The following TTLL5 variants were observed in gnomAD, a reference collection of about 807,000 sequenced individuals.
The protein encoded by TTLL5 is tubulin tyrosine ligase like 5, also known as tubulin polyglutamylase TTLL5.
In TTLL5, 132 loss-of-function variants were observed where a neutral mutation model predicts 168.4. The observed-to-expected ratio is 0.78, with a 90% confidence interval of 0.68 to 0.91. The LOEUF (loss-of-function observed/expected upper bound fraction) is 0.91. TTLL5 is among the 40% of genes least tolerant of loss of function. The pLI is 0.00. For missense variants in TTLL5, 1,545 were observed against 1,581.5 expected (o/e 0.98, Z 0.39); for synonymous variants, 546 against 558.6 (o/e 0.98, Z 0.32).
chr14:75,877,674 A>G (rs1313778311), intron 29 of TTLL5, among the ~76,000 whole-genome samples: 3 of 152,256 alleles, frequency 2.0e-5, no homozygotes, highest in African/African-American at 7.2e-5. Context: ...TGTGTTGTTA[A>G]TATTGTATAT....
At chr14:75,851,904 C>A (rs768729610) in intron 28 of TTLL5, among the ~76,000 whole-genome samples, 6 of 152,176 alleles carry the variant, frequency 3.9e-5, no homozygotes, top group Non-Finnish European at 8.8e-5. Context: ...TTATTGGTTA[C>A]CCCGTGCCCC....
chr14:75,952,011 T>C (rs962641837), intron 31 of TTLL5, among the ~76,000 whole-genome samples: 1 of 152,060 alleles, frequency 6.6e-6, no homozygotes, highest in Non-Finnish European at 1.5e-5. Context: ...ATCCATGAAA[T>C]TGAGAAAATA....
At chr14:75,803,672 G>T (rs1037029081) in intron 27 of TTLL5, among the ~76,000 whole-genome samples, 11 of 152,180 alleles carry the variant, frequency 7.2e-5, no homozygotes, top group South Asian at 2.1e-4. Flanking sequence ...TGAAAGCAGG[G>T]TTTTCTAGAA....
chr14:75,690,060 G>A (rs768318718), intron 5 of TTLL5, 132 bp from the exon 6 acceptor site: 16 of 890,796 alleles, frequency 1.8e-5, no homozygotes, highest in Admixed American at 3.5e-5. Context: ...GATTAACAGC[G>A]ATATGTTTAG....
At position 75,793,020 on chromosome 14, in the gene TTLL5, G is replaced by A; in HGVS notation, c.3091G>A (p.Ala1031Thr). Residue 1031 changes from alanine (A) to threonine (T), a missense_variant, in exon 27 of 32, where the codon GCT (alanine) becomes ACT (threonine). Ala to Thr is a moderately conservative substitution (Grantham distance 58). Coordinates refer to ENST00000298832, the MANE Select transcript of TTLL5 (RefSeq NM_015072.5). ...ACGGTACAACCAAAGTATGGTTACA[G>A]CTGAACTTCAGCGGCTAGCTGAGAA... ...SKRYNQSMVT[A>T]ELQRLAEKQA... The A allele has an allele frequency of 6.2e-7, 1 of 1,613,896 alleles. No homozygotes were observed. The highest frequency in any genetic ancestry group is 8.5e-7 in the Non-Finnish European group (1 of 1,179,832).
rs145090280 is a variant in TTLL5 at position 75,703,154 on chromosome 14, T to C, written c.586-3864T>C. Among the ~76,000 whole-genome samples, 612 of 152,318 alleles carry C rather than the reference T, an allele frequency of 4.0e-3. 3 individuals are homozygous for C. The highest frequency in any genetic ancestry group is 9.6e-3 in the East Asian group (50 of 5,186). On this transcript the variant is annotated intron_variant, in intron 7 of 31. Coordinates refer to ENST00000298832, the MANE Select transcript of TTLL5 (RefSeq NM_015072.5). Reference sequence around the variant, plus strand: ...GCAGGAGGGTGAGGAGAGGGAATGCTGAGGCAGAGGGTCTGGGAGCAGAAC... The same window carrying C: ...GCAGGAGGGTGAGGAGAGGGAATGCCGAGGCAGAGGGTCTGGGAGCAGAAC...
chr14:75,939,984 A>T (rs569848989), intron 31 of TTLL5, among the ~76,000 whole-genome samples: 1 of 151,824 alleles, frequency 6.6e-6, no homozygotes, highest in African/African-American at 2.4e-5. Flanking sequence ...CAGAGGTTTG[A>T]GGCTTGTGAA....
At chr14:75,778,281 T>G (rs1891841021) in intron 23 of TTLL5, among the ~76,000 whole-genome samples, 1 of 152,208 alleles carries the variant, frequency 6.6e-6, no homozygotes, top group Non-Finnish European at 1.5e-5. Flanking sequence ...CTTCTTTTAT[T>G]AAGTTTGGTT....
intron 7 of TTLL5, among the ~76,000 whole-genome samples, chr14:75,700,747 G>A (rs139623569): frequency 4.9e-4 from 74 of 151,972 alleles, no homozygotes; most frequent in African/African-American, 1.7e-3. Context: ...ACTTGCCTTG[G>A]TCTCTCACTC....
In TTLL5 at chr14:75,854,042, C is replaced by CA. The variant is rs573170215; in HGVS notation, c.3327-9615dup. On this transcript the variant is annotated intron_variant, in intron 28 of 31. Transcript: ENST00000298832. ...AGGGTGGCAGAGCAAGACTCCGTCT[C>CA]AAAAAAAAAAGAGAGAGAAAATATA... is the stretch of plus-strand genomic sequence containing the variant. Among the ~76,000 whole-genome samples, 522 of 143,404 alleles carry CA rather than the reference C, an allele frequency of 3.6e-3. 4 individuals carry two copies. The highest frequency in any genetic ancestry group is 0.012 in the African/African-American group (472 of 38,948). The allele number at this position is 143,404 out of a possible 152,430, so 94.1% of individuals were successfully genotyped here.
chr14:75,847,538 A>T (rs749336877), intron 28 of TTLL5: 3 of 152,080 alleles, frequency 2.0e-5, no homozygotes, highest in Non-Finnish European at 4.4e-5. Flanking sequence ...AATGTTTACT[A>T]TGTATACAAC....
intron 4 of TTLL5, among the ~76,000 whole-genome samples, chr14:75,682,926 C>G (rs1884736881): frequency 1.3e-5 from 2 of 151,922 alleles, no homozygotes. Flanking sequence ...GGCACCACTC[C>G]TGGCTAATTA....
chr14:75,797,765 C>G (rs1893072044), intron 27 of TTLL5, among the ~76,000 whole-genome samples: 1 of 152,078 alleles, frequency 6.6e-6, no homozygotes, highest in Admixed American at 6.6e-5. Flanking sequence ...GTATGAAACT[C>G]ACTTGATGAA....
chr14:75,824,968 A>G (rs1447499450), intron 28 of TTLL5, among the ~76,000 whole-genome samples: 1 of 152,182 alleles, frequency 6.6e-6, no homozygotes, highest in Non-Finnish European at 1.5e-5. Flanking sequence ...GTGGGAAGAG[A>G]AGGGACTTTA....
At position 75,737,723 on chromosome 14, in the gene TTLL5, A is replaced by T. The variant is rs142161745; in HGVS notation, c.1281+2434A>T. Reference sequence around the variant, plus strand: ...TTTTTATGTACCTATTTTTTTGCGCAGTTTAATAACAAAGTGAATGAAAAT... The same window carrying T: ...TTTTTATGTACCTATTTTTTTGCGCTGTTTAATAACAAAGTGAATGAAAAT... On this transcript the variant is annotated intron_variant, in intron 15 of 31. Coordinates refer to ENST00000298832, the MANE Select transcript of TTLL5 (RefSeq NM_015072.5). The T allele has an allele frequency of 2.1e-5, 23 of 1,078,626 alleles. No individual in the cohort carries two copies. The Middle Eastern group carries it at 8.2e-4, about 39-fold the overall frequency. The allele number at this position is 1,078,626 out of a possible 1,614,324, so 66.8% of individuals were successfully genotyped here.
chr14:75,903,595 A>G (rs1045556035), intron 31 of TTLL5, among the ~76,000 whole-genome samples: 2 of 152,056 alleles, frequency 1.3e-5, no homozygotes, highest in Non-Finnish European at 1.5e-5. Context: ...ACACCTTAAA[A>G]TGATTACAAG....
At chr14:75,848,221 G>C (rs1255127485) in intron 28 of TTLL5, among the ~76,000 whole-genome samples, 1 of 151,928 alleles carries the variant, frequency 6.6e-6, no homozygotes, top group African/African-American at 2.4e-5. Context: ...GAAGTGAAGG[G>C]AGCCTAACTG....
chr14:75,685,375 CA>C (rs34567697), intron 5 of TTLL5, among the ~76,000 whole-genome samples: 4,066 of 68,662 alleles, frequency 0.059, 67 homozygotes, highest in African/African-American at 0.13. Flanking sequence ...GACTCTGTCT[CA>C]AAAAAAAAAA....
intron 31 of TTLL5, among the ~76,000 whole-genome samples, chr14:75,914,466 T>A (rs911222430): frequency 6.6e-6 from 1 of 152,122 alleles, no homozygotes; most frequent in Non-Finnish European, 1.5e-5. Context: ...TAAAATCTTC[T>A]AATGAAGATT....
Sources: allele counts gnomAD v4.1 joint callset (sites outside exome capture counted in the v4.1 genomes callset), GRCh38; gene constraint gnomAD v4.1.1; transcripts MANE v1.5; gene names NCBI Gene and HGNC (gene_info 2026-07-23, HGNC 2026-07-21).